Variants in CDH18 observed in about 807,000 individuals in gnomAD.
CDH18 encodes the protein cadherin-18.
In CDH18, 31 loss-of-function variants were observed where a neutral mutation model predicts 67.9. The observed-to-expected ratio is 0.46, with a 90% CI of 0.34 to 0.62. The LOEUF (loss-of-function observed/expected upper bound fraction) is 0.62. Ranked by LOEUF, CDH18 falls within the 20% of genes least tolerant of loss-of-function variation. CDH18 has a pLI of 0.01. For synonymous variants in CDH18, 362 were observed against 347.2 expected, an observed-to-expected ratio of 1.04 and a Z score of -0.48; for missense variants, 890 against 975.5, an observed-to-expected ratio of 0.91 and a Z score of 1.17.
chr5:20,164,333 C>T lies in CDH18; in HGVS notation c.-518+91111G>A, dbSNP rs1580380925. ...TGGAGTTTAGCTCTTGTTGCCCAGGCTGTAGTGCAGTGGTGTGATATTGGC... is the reference window on the plus strand; with the variant it reads ...TGGAGTTTAGCTCTTGTTGCCCAGGTTGTAGTGCAGTGGTGTGATATTGGC... On this transcript the variant is annotated intron_variant, in intron 2 of 14. Coordinates refer to the CDH18 transcript ENST00000507958. Among the ~76,000 whole-genome samples the T allele has an allele frequency of 5.3e-5, 8 of 152,186 alleles. 2 individuals carry two copies. Among genetic ancestry groups the T allele is most frequent in the Admixed American group, 5.2e-4 (8 of 15,288 alleles).
At chr5:19,684,269 A>C (rs890323932) in intron 5 of CDH18, among the ~76,000 whole-genome samples, 16 of 151,940 alleles carry the variant, frequency 1.1e-4, no homozygotes, top group African/African-American at 3.9e-4. Flanking sequence ...TCAAAATCCT[A>C]TAAATATATG....
At chr5:19,705,836 C>T (rs372335349) in intron 5 of CDH18, among the ~76,000 whole-genome samples, 3 of 152,148 alleles carry the variant, frequency 2.0e-5, no homozygotes, top group African/African-American at 7.2e-5. Context: ...ACCCATTTAG[C>T]TGACTTTGTG....
intron 2 of CDH18, among the ~76,000 whole-genome samples, chr5:20,158,466 G>A (rs1371089681): frequency 2.0e-5 from 3 of 151,808 alleles, no homozygotes; most frequent in African/African-American, 7.3e-5. Flanking sequence ...GCCAATTAAG[G>A]CTTTGAATTT....
rs577922651 is a variant in CDH18 at position 19,790,653 on chromosome 5, C to T, written c.229-43417G>A. Reference sequence around the variant, plus strand: ...GGATTTGGAGTTTAATCTAGATGCACTTGGAAGCCTCTGAAGGATTTTAAG... The same window carrying T: ...GGATTTGGAGTTTAATCTAGATGCATTTGGAAGCCTCTGAAGGATTTTAAG... On this transcript the variant is annotated intron_variant, in intron 3 of 12. Transcript: ENST00000382275. Among the ~76,000 whole-genome samples, 13 of 152,112 alleles carry T rather than the reference C, an allele frequency of 8.5e-5. No individual in the cohort carries two copies. The East Asian group carries it at 2.5e-3, about 30-fold the overall frequency.
At chr5:19,650,486 T>A (rs1212735700) in intron 5 of CDH18, among the ~76,000 whole-genome samples, 1 of 152,174 alleles carries the variant, frequency 6.6e-6, no homozygotes, top group South Asian at 2.1e-4. Context: ...AAGCTAATAT[T>A]AATAATAGGA....
At chr5:20,019,212 CAATAA>C (rs1159551544) in intron 2 of CDH18, among the ~76,000 whole-genome samples, 2 of 152,006 alleles carry the variant, frequency 1.3e-5, no homozygotes, top group African/African-American at 4.8e-5. Context: ...TATAGTGAGA[CAATAA>C]AATAAGAATG....
At chr5:19,556,656 G>A (rs1738491959) in intron 8 of CDH18, among the ~76,000 whole-genome samples, 1 of 152,088 alleles carries the variant, frequency 6.6e-6, no homozygotes, top group African/African-American at 2.4e-5. Flanking sequence ...AAAACAATTG[G>A]TGCTCCCAAG....
chr5:19,502,599 A>G (rs1016981835), intron 11 of CDH18: 8 of 382,212 alleles, frequency 2.1e-5, no homozygotes, highest in Non-Finnish European at 3.2e-5. Context: ...TTGCTCATAC[A>G]AGATGATTGC....
At chr5:20,367,842 T>C (rs1321210602) in intron 1 of CDH18, among the ~76,000 whole-genome samples, 1 of 152,204 alleles carries the variant, frequency 6.6e-6, no homozygotes, top group Non-Finnish European at 1.5e-5. Flanking sequence ...CATGTATTTG[T>C]TTTACTTCCA....
At chr5:20,526,731 C>T (rs1223873593) in intron 1 of CDH18, among the ~76,000 whole-genome samples, 1 of 152,018 alleles carries the variant, frequency 6.6e-6, no homozygotes, top group African/African-American at 2.4e-5. Context: ...ACAAAAATGA[C>T]CCCACGAAAA....
intron 3 of CDH18, among the ~76,000 whole-genome samples, chr5:19,830,439 CACA>C (rs766577850): frequency 7.9e-5 from 12 of 152,034 alleles, no homozygotes; most frequent in Non-Finnish European, 1.6e-4. Flanking sequence ...TGAAAAAACA[CACA>C]ACATCACTAA....
chr5:20,241,001 C>CT (rs542619206), intron 2 of CDH18, among the ~76,000 whole-genome samples: 1 of 152,048 alleles, frequency 6.6e-6, no homozygotes, highest in African/African-American at 2.4e-5. Flanking sequence ...TTATATTTTT[C>CT]TTTTTTTATT....
At chr5:19,625,448 C>A (rs557274464) in intron 5 of CDH18, among the ~76,000 whole-genome samples, 2 of 151,894 alleles carry the variant, frequency 1.3e-5, no homozygotes, top group South Asian at 4.2e-4. Context: ...ATACCACAAA[C>A]TGAGTGATTA....
chr5:20,560,809 A>G (rs1372535367), intron 1 of CDH18, among the ~76,000 whole-genome samples: 1 of 152,074 alleles, frequency 6.6e-6, no homozygotes, highest in Non-Finnish European at 1.5e-5. Context: ...GTTACATGCA[A>G]TATTATGAGA....
At chr5:19,635,502 T>C (rs1456332892) in intron 5 of CDH18, among the ~76,000 whole-genome samples, 1 of 152,204 alleles carries the variant, frequency 6.6e-6, no homozygotes, top group East Asian at 1.9e-4. Context: ...GGTTGTTTTG[T>C]AAACCCTTGA....
intron 2 of CDH18, among the ~76,000 whole-genome samples, chr5:20,094,850 C>T (rs550968720): frequency 1.1e-4 from 16 of 152,168 alleles, no homozygotes; most frequent in Admixed American, 3.3e-4. Context: ...TAAAGACACA[C>T]GCACACATAT....
At chr5:20,492,086 T>C (rs1753624071) in intron 1 of CDH18, among the ~76,000 whole-genome samples, 1 of 152,148 alleles carries the variant, frequency 6.6e-6, no homozygotes, top group African/African-American at 2.4e-5. Context: ...TACTTAATAA[T>C]TTTGATAAAC....
chr5:20,499,928 T>C (rs1754150216), intron 1 of CDH18, among the ~76,000 whole-genome samples: 1 of 152,160 alleles, frequency 6.6e-6, no homozygotes, highest in Admixed American at 6.6e-5. Flanking sequence ...AGCATGCCTG[T>C]TTCCCCTCAC....
chr5:19,482,240 C>A (rs528370893), intron 12 of CDH18, among the ~76,000 whole-genome samples: 6 of 151,940 alleles, frequency 3.9e-5, no homozygotes, highest in Admixed American at 2.0e-4. Context: ...CTCAGCCTCC[C>A]GAGTAGCTGG....
Sources: allele counts gnomAD v4.1 joint callset (sites outside exome capture counted in the v4.1 genomes callset), GRCh38; gene constraint gnomAD v4.1.1; transcripts MANE v1.5; gene names NCBI Gene and HGNC (gene_info 2026-07-23, HGNC 2026-07-21).